Variants in IFT88 observed in about 807,000 individuals in gnomAD.
The protein encoded by IFT88 is intraflagellar transport protein 88 homolog.
Under a neutral mutation model 119.5 loss-of-function variants are expected in IFT88, and 74 were observed. The ratio of observed to expected loss-of-function variants is 0.62; its 90% confidence interval spans 0.51 to 0.75. The LOEUF (loss-of-function observed/expected upper bound fraction) is 0.75. Ranked by LOEUF, IFT88 falls within the 30% of genes least tolerant of loss-of-function variation. IFT88 has a pLI of 0.00. For synonymous variants in IFT88, 279 were observed against 316.7 expected (o/e 0.88, Z 1.26); for missense variants, 961 against 977.7 (o/e 0.98, Z 0.23).
chr13:20,640,336 G>A (rs566425600), intron 17 of IFT88, among the ~76,000 whole-genome samples: 83 of 151,546 alleles, frequency 5.5e-4, no homozygotes, highest in African/African-American at 1.8e-3. Flanking sequence ...ACTTTGGGAG[G>A]GCCAAGGCAG....
intron 13 of IFT88, among the ~76,000 whole-genome samples, chr13:20,613,951 A>ACAGAAAGTAGATTAGTGG (rs56032841): frequency 6.6e-6 from 1 of 152,076 alleles, no homozygotes; most frequent in African/African-American, 2.4e-5. Context: ...ATCTATAAAG[A>ACAGAAAGTAGATTAGTGG]TTTGCCAGGG....
intron 24 of IFT88, among the ~76,000 whole-genome samples, chr13:20,682,757 T>G (rs1021214532): frequency 2.6e-5 from 4 of 152,342 alleles, no homozygotes; most frequent in Admixed American, 6.5e-5. Context: ...TGTGAAAATT[T>G]TTTACAAGTA....
chr13:20,690,865 A>G, intron 25 of IFT88, 50 bp downstream of exon 25: 1 of 1,434,728 alleles, frequency 7.0e-7, no homozygotes, highest in Non-Finnish European at 9.8e-7. Flanking sequence ...CTGAAGAAGA[A>G]TGGTGAGATG....
intron 14 of IFT88, among the ~76,000 whole-genome samples, chr13:20,623,328 G>T (rs2046815067): frequency 6.6e-6 from 1 of 152,166 alleles, no homozygotes; most frequent in South Asian, 2.1e-4. Context: ...TTTCAGGATG[G>T]ATTTTTCTGT....
chr13:20,669,612 C>CG (rs2055435530), intron 23 of IFT88, among the ~76,000 whole-genome samples: 1 of 151,758 alleles, frequency 6.6e-6, no homozygotes, highest in South Asian at 2.1e-4. Flanking sequence ...TTAGTAGAGA[C>CG]GGGGTTTTGC....
At chr13:20,639,954 A>G (rs2049624975) in intron 17 of IFT88, among the ~76,000 whole-genome samples, 1 of 151,298 alleles carries the variant, frequency 6.6e-6, no homozygotes, top group Non-Finnish European at 1.5e-5. Flanking sequence ...ACGCCCGTCT[A>G]ATTTTTTGCA....
At chr13:20,648,266 G>A (rs556154955) in intron 20 of IFT88, among the ~76,000 whole-genome samples, 62 of 152,220 alleles carry the variant, frequency 4.1e-4, no homozygotes, top group Non-Finnish European at 6.8e-4. Context: ...TGTGGTGGCA[G>A]GTGCCTATAG....
chr13:20,654,600 A>C (rs2140557616), intron 21 of IFT88, among the ~76,000 whole-genome samples: 1 of 152,302 alleles, frequency 6.6e-6, no homozygotes, highest in African/African-American at 2.4e-5. Context: ...GGGAAGCACA[A>C]GTTTTGAAAG....
At chr13:20,669,364 A>G (rs2055365703) in intron 23 of IFT88, among the ~76,000 whole-genome samples, 1 of 151,970 alleles carries the variant, frequency 6.6e-6, no homozygotes, top group South Asian at 2.1e-4. Flanking sequence ...AAGTTTTCAC[A>G]TGTGGTTTTA....
chr13:20,600,545 T>C (rs569025441), intron 11 of IFT88, among the ~76,000 whole-genome samples: 41 of 152,180 alleles, frequency 2.7e-4, no homozygotes, highest in African/African-American at 2.6e-4. Flanking sequence ...TGAGTTGAAA[T>C]AGAGGGATTA....
rs1045181136 is a variant in IFT88, at chr13:20,638,260, G to A, written c.1387-72G>A. On this transcript the variant is annotated intron_variant, in intron 16 of 25. Coordinates refer to ENST00000351808, the MANE Select transcript of IFT88 (RefSeq NM_006531.5). ...TAATCTCAGAAAGTCTATTTATTAT[G>A]TCTGTAATCTCAGAACAGTCAGAAA... 13 of 783,388 alleles carry A rather than the reference G, an allele frequency of 1.7e-5. No individual in the cohort carries two copies. The African/African-American group carries it at 1.8e-4, about 11-fold the overall frequency. The allele number at this position is 783,388 out of a possible 1,614,324, so 48.5% of individuals were successfully genotyped here.
At chr13:20,678,187 A>G (rs1464655770) in intron 24 of IFT88, among the ~76,000 whole-genome samples, 1 of 152,232 alleles carries the variant, frequency 6.6e-6, no homozygotes, top group Admixed American at 6.5e-5. Context: ...GATATAAACT[A>G]TTCTCTCACA....
At chr13:20,671,438 T>C (rs1203954246) in intron 24 of IFT88, among the ~76,000 whole-genome samples, 1 of 152,224 alleles carries the variant, frequency 6.6e-6, no homozygotes, top group African/African-American at 2.4e-5. Flanking sequence ...ATCTTTAGTC[T>C]GACTTTTAGT....
At chr13:20,587,975 A>T (rs1411960103) in intron 3 of IFT88, among the ~76,000 whole-genome samples, 1 of 144,746 alleles carries the variant, frequency 6.9e-6, no homozygotes, top group Non-Finnish European at 1.5e-5. Flanking sequence ...ATTTCCTTTA[A>T]ATTTGCTATC....
At chr13:20,622,024 AGT>A (rs749815722) in intron 14 of IFT88, among the ~76,000 whole-genome samples, 2 of 152,160 alleles carry the variant, frequency 1.3e-5, no homozygotes, top group Non-Finnish European at 2.9e-5. Flanking sequence ...TCTTTCATTT[AGT>A]GGTATCTCTT....
At chr13:20,596,092 T>A in intron 7 of IFT88, 58 bp from the exon 8 acceptor site, 3 of 365,042 alleles carry the variant, frequency 8.2e-6, no homozygotes, top group Non-Finnish European at 1.5e-5. Flanking sequence ...AAATAAATTT[T>A]AGTATAGATT....
intron 1 of IFT88, among the ~76,000 whole-genome samples, chr13:20,572,890 A>C (rs961624796): frequency 1.3e-5 from 2 of 152,106 alleles, no homozygotes; most frequent in African/African-American, 4.8e-5. Context: ...TGTACACTCT[A>C]TGTAAGGCTT....
chr13:20,677,575 T>A (rs967771085), intron 24 of IFT88, among the ~76,000 whole-genome samples: 1 of 152,320 alleles, frequency 6.6e-6, no homozygotes, highest in South Asian at 2.1e-4. Flanking sequence ...CAAGTCAGAT[T>A]ACAGAGCACC....
chr13:20,607,925 A>G, intron 13 of IFT88: 2 of 665,114 alleles, frequency 3.0e-6, no homozygotes, highest in South Asian at 2.9e-5. Context: ...GTCTTCCTCT[A>G]CAAGACCAAG....
Sources: gnomAD v4.1 joint callset for allele counts (sites outside exome capture counted in the v4.1 genomes callset) on GRCh38, gnomAD v4.1.1 for gene constraint, MANE v1.5 for transcripts, NCBI Gene and HGNC (gene_info 2026-07-23, HGNC 2026-07-21) for gene names.